Variants in CREBBP observed in about 807,000 individuals in gnomAD.
The protein encoded by CREBBP is CREB binding lysine acetyltransferase, also known as CREB-binding protein.
In CREBBP, 19 loss-of-function variants were observed where a neutral mutation model predicts 265.0. That is an observed-to-expected ratio of 0.07 (90% confidence interval 0.05 to 0.11). The LOEUF (loss-of-function observed/expected upper bound fraction) is 0.11. CREBBP is among the 10% of genes least tolerant of loss of function. CREBBP has a pLI of 1.00. For missense variants in CREBBP, 2,525 were observed against 3,219.0 expected, an observed-to-expected ratio of 0.78 and a Z score of 5.22; for synonymous variants, 1,457 against 1,223.7, an observed-to-expected ratio of 1.19 and a Z score of -3.98.
chr16:3,834,709 T>C (rs2054408101), intron 2 of CREBBP, among the ~76,000 whole-genome samples: 1 of 152,168 alleles, frequency 6.6e-6, no homozygotes, highest in Non-Finnish European at 1.5e-5. Flanking sequence ...GGTTTATTGA[T>C]TGTGACAAAC....
intron 10 of CREBBP, 169 bp downstream of exon 10, chr16:3,777,842 A>C: frequency 9.3e-7 from 1 of 1,071,174 alleles, no homozygotes; most frequent in South Asian, 1.3e-5. Flanking sequence ...AGAGAAACTC[A>C]GTGTCCCAAC....
intron 28 of CREBBP, among the ~76,000 whole-genome samples, chr16:3,735,267 A>G (rs2052024085): frequency 6.6e-6 from 1 of 152,128 alleles, no homozygotes; most frequent in Non-Finnish European, 1.5e-5. Flanking sequence ...ACATCCTACC[A>G]GGACACAGCC....
chr16:3,781,719 A>C (rs1351262182), intron 6 of CREBBP, among the ~76,000 whole-genome samples: 1 of 152,202 alleles, frequency 6.6e-6, no homozygotes, highest in Admixed American at 6.5e-5. Flanking sequence ...ATAGAAATTA[A>C]GCTCAGGAAA....
chr16:3,837,296 T>G (rs1441941534), intron 2 of CREBBP, among the ~76,000 whole-genome samples: 5 of 152,174 alleles, frequency 3.3e-5, no homozygotes. Context: ...CATTTATGTT[T>G]TAGCTTTTAA....
chr16:3,753,970 C>G (rs1031785345), intron 19 of CREBBP, among the ~76,000 whole-genome samples: 3 of 152,130 alleles, frequency 2.0e-5, no homozygotes, highest in African/African-American at 7.2e-5. Flanking sequence ...ATCCAGGAAA[C>G]AAGAACCATA....
chr16:3,844,382 G>C (rs2054624657), intron 2 of CREBBP, among the ~76,000 whole-genome samples: 1 of 152,058 alleles, frequency 6.6e-6, no homozygotes, highest in South Asian at 2.1e-4. Flanking sequence ...CAGATAATCT[G>C]TCACATAAAT....
chr16:3,784,804 C>T (rs1405997370), intron 5 of CREBBP, among the ~76,000 whole-genome samples: 1 of 152,232 alleles, frequency 6.6e-6, no homozygotes, highest in Non-Finnish European at 1.5e-5. Context: ...GAATGCCACT[C>T]CTAAGCTCAC....
At chr16:3,765,433 G>C (rs1193990527) in intron 16 of CREBBP, among the ~76,000 whole-genome samples, 1 of 152,186 alleles carries the variant, frequency 6.6e-6, no homozygotes, top group African/African-American at 2.4e-5. Context: ...TGCCCTCGTG[G>C]AGCACATTAA....
intron 5 of CREBBP, among the ~76,000 whole-genome samples, chr16:3,789,075 G>A (rs2053450680): frequency 6.6e-6 from 1 of 152,230 alleles, no homozygotes; most frequent in Non-Finnish European, 1.5e-5. Flanking sequence ...TCTCAGTAGA[G>A]ACATTAATCA....
rs202204380 is a variant in CREBBP, at chr16:3,740,380, A to G, written c.4133+19T>C. On this transcript the variant is annotated intron_variant, in intron 24 of 30. Transcript: ENST00000262367. The stretch of plus-strand genomic sequence containing the variant: ...GTGGGGACTGCTCGCAGAGCACTGT[A>G]GAGAGCAGGCACACTGACCGTGACT... 2,753 of 1,613,860 alleles carry G rather than the reference A, an allele frequency of 1.7e-3. 2 individuals are homozygous for G. The highest frequency in any genetic ancestry group is 2.2e-3 in the Non-Finnish European group (2,606 of 1,179,798).
At chr16:3,791,808 G>A (rs958839035) in intron 5 of CREBBP, among the ~76,000 whole-genome samples, 173 bp downstream of exon 5, 1 of 152,154 alleles carries the variant, frequency 6.6e-6, no homozygotes, top group Admixed American at 6.5e-5. Context: ...TTCCTGACAC[G>A]GAGAGCCCGC....
chr16:3,850,377 C>A lies in CREBBP; in HGVS notation c.718G>T (p.Ala240Ser), dbSNP rs1882929418. 6.2e-7 allele frequency: 1 copy of A among 1,614,124 alleles called. No homozygotes were observed. The highest frequency in any genetic ancestry group is 1.1e-5 in the South Asian group (1 of 91,094). ...GGGGAAACCTGCGTTAGGGTCTCAG[C>A]CAGCACGCTGCTCGAGGCGCCCTGC... ...AMQGASSSVL[A>S]ETLTQVSPQM... Residue 240 changes from alanine (A) to serine (S), a missense_variant, in exon 2 of 31, where the codon GCT (alanine) becomes TCT (serine). Physicochemically the swap from Ala to Ser is moderately conservative, Grantham distance 99. Coordinates refer to ENST00000262367, the MANE Select transcript of CREBBP (RefSeq NM_004380.3).
Position 3,731,162 on chromosome 16 carries a change from TGTGGGG to T in CREBBP, c.5172+24_5172+29del, listed in dbSNP as rs758078151. The T allele has an allele frequency of 3.1e-6, 5 of 1,591,812 alleles. No individual in the cohort carries two copies. The highest frequency in any genetic ancestry group is 4.3e-6 in the Non-Finnish European group (5 of 1,166,692). ...ATGCTTCGTCAGACCCCAGGCCGGC[TGTGGGG>T]GTGGGGGTGGGGGCAGGGCCTACCT... On this transcript the variant is annotated intron_variant, in intron 30 of 30. Transcript: ENST00000262367. The surrounding 1 kb of genome is among the most constrained non-coding windows in gnomAD (Gnocchi z 7.7).
In CREBBP at chr16:3,757,411, A is replaced by C. The variant is rs1218528095; in HGVS notation, c.3610-35T>G. 5 of 1,489,586 alleles carry C rather than the reference A, an allele frequency of 3.4e-6. No individual in the cohort carries two copies. In the South Asian group the frequency reaches 4.7e-5, roughly 14 times the overall value. The allele number at this position is 1,489,586 out of a possible 1,614,324, so 92.3% of individuals were successfully genotyped here. On this transcript the variant is annotated intron_variant, in intron 18 of 30. Coordinates refer to ENST00000262367, the MANE Select transcript of CREBBP (RefSeq NM_004380.3). ...TAAAGGAGAAATACTTTTATATAAAAATACATTCCATTTACTGTCTTATAA... is the reference window on the plus strand; with the variant it reads ...TAAAGGAGAAATACTTTTATATAAACATACATTCCATTTACTGTCTTATAA...
At chr16:3,835,673 A>G (rs1056607369) in intron 2 of CREBBP, among the ~76,000 whole-genome samples, 2 of 140,576 alleles carry the variant, frequency 1.4e-5, no homozygotes, top group Admixed American at 7.9e-5. Flanking sequence ...TCCGCCTCCC[A>G]GGTTCACGCC....
intron 7 of CREBBP, 78 bp downstream of exon 7, chr16:3,781,126 T>G: frequency 1.5e-6 from 2 of 1,365,126 alleles, no homozygotes; most frequent in South Asian, 1.2e-5. Flanking sequence ...TGCCACACAT[T>G]TAGAAAGAAT....
intron 6 of CREBBP, 58 bp from the exon 7 acceptor site, chr16:3,781,364 T>A (rs2141248725): frequency 7.3e-7 from 1 of 1,374,530 alleles, no homozygotes; most frequent in Non-Finnish European, 1.0e-6. Context: ...ACTTCAAAGT[T>A]TTGATGACAG....
chr16:3,836,390 C>T (rs976858116), intron 2 of CREBBP, among the ~76,000 whole-genome samples: 3 of 147,872 alleles, frequency 2.0e-5, no homozygotes, highest in Non-Finnish European at 3.0e-5. Flanking sequence ...GCCGAGATTG[C>T]GCCAGTACAC....
intron 21 of CREBBP, among the ~76,000 whole-genome samples, chr16:3,748,126 TA>T (rs2052388395): frequency 6.6e-6 from 1 of 150,708 alleles, no homozygotes; most frequent in Non-Finnish European, 1.5e-5. Context: ...CATACATACA[TA>T]AGTTAGCTGG....
Sources: gnomAD v4.1 joint callset for allele counts (sites outside exome capture counted in the v4.1 genomes callset) on GRCh38, gnomAD v4.1.1 for gene constraint, Gnocchi (gnomAD v3.1) non-coding constraint, MANE v1.5 for transcripts, NCBI Gene and HGNC (gene_info 2026-07-23, HGNC 2026-07-21) for gene names.